The following ASTN2 variants were observed in gnomAD, a reference collection of about 807,000 sequenced individuals.
ASTN2 encodes astrotactin-2.
ASTN2 carries 54 observed loss-of-function variants against 139.8 expected under a neutral mutation model. The observed-to-expected ratio is 0.39, with a 90% CI of 0.31 to 0.48. ASTN2 has a LOEUF of 0.48. ASTN2 is among the 20% of genes least tolerant of loss of function. The pLI is 0.95. For synonymous variants in ASTN2, 756 were observed against 719.5 expected (o/e 1.05, Z -0.81); for missense variants, 1,565 against 1,725.1 (o/e 0.91, Z 1.64).
intron 11 of ASTN2, among the ~76,000 whole-genome samples, chr9:116,855,230 T>C (rs1210758275): frequency 6.6e-6 from 1 of 152,018 alleles, no homozygotes; most frequent in Non-Finnish European, 1.5e-5. Context: ...CACAATAATC[T>C]TGGAAACCCT....
intron 10 of ASTN2, among the ~76,000 whole-genome samples, chr9:116,917,286 C>A (rs567860965): frequency 6.5e-4 from 99 of 152,206 alleles, no homozygotes; most frequent in African/African-American, 2.4e-3. Flanking sequence ...GCACATAGCT[C>A]AGTTTGCAAG....
intron 3 of ASTN2, among the ~76,000 whole-genome samples, chr9:117,212,254 T>A (rs4837023): frequency 0.37 from 56,689 of 151,950 alleles, 12,218 homozygotes; most frequent in Middle Eastern, 0.5. Flanking sequence ...CAATAAAAAA[T>A]TAATTTACAA....
Position 117,314,607 on chromosome 9 carries a change from ATTTAT to A in ASTN2, c.443-23099_443-23095del, listed in dbSNP as rs765410036. Among the ~76,000 whole-genome samples, 36 of 147,246 alleles carry A rather than the reference ATTTAT, an allele frequency of 2.4e-4. No individual in the cohort carries two copies. The East Asian group carries it at 4.5e-3, about 18-fold the overall frequency. On this transcript the variant is annotated intron_variant, in intron 1 of 22. Transcript: ENST00000313400. Reference sequence around the variant, plus strand: ...TTATCATATATTTTATATTGTATTAATTTATTTTATAATATACAATATATAATTAT... The same window carrying A: ...TTATCATATATTTTATATTGTATTAATTTATAATATACAATATATAATTAT...
rs1829654998 is a variant in ASTN2 at position 116,760,825 on chromosome 9, C to T, written c.2397-27302G>A. Among the ~76,000 whole-genome samples, 4 of 152,050 alleles carry T rather than the reference C, an allele frequency of 2.6e-5. 1 individual carries two copies. The South Asian group carries it at 8.3e-4, about 31-fold the overall frequency. On this transcript the variant is annotated intron_variant, in intron 13 of 22. Coordinates refer to ENST00000313400, the MANE Select transcript of ASTN2 (RefSeq NM_001365068.1). ...GGAAAATGCAAATCTGCACTTCCTT[C>T]CCCGCCGCAGCTAACAAGATAATGA... is the stretch of plus-strand genomic sequence containing the variant.
chr9:116,933,650 A>T (rs1834975611), intron 10 of ASTN2, among the ~76,000 whole-genome samples: 2 of 151,128 alleles, frequency 1.3e-5, no homozygotes, highest in South Asian at 4.1e-4. Flanking sequence ...GAATTTTATT[A>T]AGGAAAAAAA....
chr9:117,078,137 A>G (rs1828329630), intron 5 of ASTN2, among the ~76,000 whole-genome samples: 1 of 152,154 alleles, frequency 6.6e-6, no homozygotes, highest in Admixed American at 6.5e-5. Flanking sequence ...CACCACACCC[A>G]AGTCTTCTTG....
intron 19 of ASTN2, among the ~76,000 whole-genome samples, chr9:116,548,231 ATCAGAGGCCGTGGCATTTGCTTAAG>A (rs1240881245): frequency 6.6e-6 from 1 of 152,144 alleles, no homozygotes; most frequent in African/African-American, 2.4e-5. Context: ...GCCTGGCTCC[ATCAGAGGCCGTGGCATTTGCTTAAG>A]GTGATTCAAA....
chr9:117,302,245 G>A (rs532402533), intron 1 of ASTN2, among the ~76,000 whole-genome samples: 2 of 152,212 alleles, frequency 1.3e-5, no homozygotes, highest in East Asian at 1.9e-4. Flanking sequence ...CTACAGCAAC[G>A]ATCTGGAATC....
At chr9:117,135,826 G>A (rs1033411866) in intron 4 of ASTN2, among the ~76,000 whole-genome samples, 1 of 152,070 alleles carries the variant, frequency 6.6e-6, no homozygotes, top group African/African-American at 2.4e-5. Flanking sequence ...GGAGGAAAGG[G>A]CCTTTCAGGA....
At chr9:117,111,664 G>C (rs1359132339) in intron 4 of ASTN2, among the ~76,000 whole-genome samples, 2 of 152,016 alleles carry the variant, frequency 1.3e-5, no homozygotes, top group Non-Finnish European at 1.5e-5. Context: ...TACCAAATTT[G>C]ATGTAAGATA....
At chr9:117,104,848 C>G (rs1442302228) in intron 4 of ASTN2, among the ~76,000 whole-genome samples, 1 of 152,084 alleles carries the variant, frequency 6.6e-6, no homozygotes, top group Non-Finnish European at 1.5e-5. Context: ...AGTTTAAACC[C>G]ATTACTCACT....
chr9:116,699,121 A>G lies in ASTN2; in HGVS notation c.2806+26650T>C. The G allele has an allele frequency of 6.2e-7, 1 of 1,614,046 alleles. No individual in the cohort carries two copies. The highest frequency in any genetic ancestry group is 1.1e-5 in the South Asian group (1 of 91,084). On this transcript the variant is annotated intron_variant, in intron 16 of 22. Transcript: ENST00000313400. The surrounding 1 kb of genome is among the most constrained non-coding windows in gnomAD (Gnocchi z 4.2). ...CTCAAGGTATATACCTTGGATGGCCACTGCGTGGCCTGTCACAGGAGCCAG... is the reference window on the plus strand; with the variant it reads ...CTCAAGGTATATACCTTGGATGGCCGCTGCGTGGCCTGTCACAGGAGCCAG...
intron 11 of ASTN2, among the ~76,000 whole-genome samples, chr9:116,842,751 G>T (rs1035148210): frequency 6.9e-6 from 1 of 145,244 alleles, no homozygotes; most frequent in African/African-American, 2.5e-5. Context: ...GTGGGGCGGG[G>T]GGAGGGCATG....
intron 11 of ASTN2, among the ~76,000 whole-genome samples, chr9:116,829,957 C>G (rs1831758345): frequency 2.0e-5 from 3 of 152,136 alleles, no homozygotes; most frequent in African/African-American, 7.2e-5. Flanking sequence ...GGACCTTGGC[C>G]TTGGGAAAGA....
intron 1 of ASTN2, among the ~76,000 whole-genome samples, chr9:117,354,811 C>G (rs1829491678): frequency 6.6e-6 from 1 of 152,168 alleles, no homozygotes; most frequent in African/African-American, 2.4e-5. Flanking sequence ...ACAGTGAGCT[C>G]AAATGCATCC....
intron 1 of ASTN2, among the ~76,000 whole-genome samples, chr9:117,389,607 C>T (rs907152705): frequency 6.6e-6 from 1 of 152,298 alleles, no homozygotes; most frequent in Non-Finnish European, 1.5e-5. Context: ...TCAGACTTGA[C>T]ACTATGGAGG....
intron 17 of ASTN2, among the ~76,000 whole-genome samples, chr9:116,641,655 T>G (rs141567129): frequency 6.6e-6 from 1 of 152,176 alleles, no homozygotes; most frequent in South Asian, 2.1e-4. Context: ...AAAAAAATAT[T>G]CTCTGACATG....
In ASTN2 at chr9:117,005,332, C is replaced by T. The variant is rs1769221858; in HGVS notation, c.1591+2760G>A. The stretch of plus-strand genomic sequence containing the variant: ...TTGATCTCCTGACCTAGTGATCCAC[C>T]TGTCTTGGCCTCCCAAAGTGCTGGG... On this transcript the variant is annotated intron_variant, in intron 7 of 22. Transcript: ENST00000313400. 6.6e-5 allele frequency among the ~76,000 whole-genome samples: 10 copies of T among 151,982 alleles called. 1 individual carries two copies. The South Asian group carries it at 2.1e-3, about 32-fold the overall frequency.
At chr9:117,072,397 C>T (rs192006401) in intron 5 of ASTN2, among the ~76,000 whole-genome samples, 180 of 152,316 alleles carry the variant, frequency 1.2e-3, no homozygotes, top group African/African-American at 4.1e-3. Context: ...CCCAAACCAT[C>T]ATCTTTCAAT....
Sources: gnomAD v4.1 joint callset for allele counts (sites outside exome capture counted in the v4.1 genomes callset) on GRCh38, gnomAD v4.1.1 for gene constraint, Gnocchi (gnomAD v3.1) non-coding constraint, MANE v1.5 for transcripts, NCBI Gene and HGNC (gene_info 2026-07-23, HGNC 2026-07-21) for gene names.